The following CXorf58 variants were observed in gnomAD, a reference collection of about 807,000 sequenced individuals.
CXorf58 encodes uncharacterized protein CXorf58.
Under a neutral mutation model 26.0 loss-of-function variants are expected in CXorf58, and 24 were observed. The ratio of observed to expected loss-of-function variants is 0.92; its 90% CI spans 0.67 to 1.30. The LOEUF (loss-of-function observed/expected upper bound fraction) is 1.30, where lower values mean the gene tolerates loss of function less well. CXorf58 is among the 50% of genes most tolerant of loss of function. The pLI is 0.00. For missense variants in CXorf58, 236 were observed against 263.9 expected, an observed-to-expected ratio of 0.89 and a Z score of 0.73; for synonymous variants, 87 against 86.1, an observed-to-expected ratio of 1.01 and a Z score of -0.06.
intron 6 of CXorf58, among the ~76,000 whole-genome samples, chrX:23,930,368 G>T (rs974015523): frequency 9.3e-6 from 1 of 108,092 alleles, no homozygotes; most frequent in African/African-American, 3.4e-5. Flanking sequence ...GTGGCTCATG[G>T]CTGTAATCCC....
intron 3 of CXorf58, among the ~76,000 whole-genome samples, chrX:23,912,169 T>TC (rs1464533476): frequency 1.8e-5 from 2 of 110,888 alleles, no homozygotes; most frequent in East Asian, 5.7e-4. Flanking sequence ...GCCAGGATGA[T>TC]CTCGATCTCC....
At chrX:23,919,108 T>C (rs1216321376) in intron 5 of CXorf58, among the ~76,000 whole-genome samples, 1 of 111,897 alleles carries the variant, frequency 8.9e-6, no homozygotes, top group Non-Finnish European at 1.9e-5. Flanking sequence ...TATTGATATC[T>C]TTCTCTGAAT....
In CXorf58 at chrX:23,908,349, A is replaced by G. The variant is rs1927472164; in HGVS notation, c.-21+20A>G. On this transcript the variant is annotated intron_variant, in intron 1 of 8. Transcript: ENST00000379211. Reference sequence around the variant, plus strand: ...CAAGCGGTAAGCCTCCTCTCTGGAAATCAAATGTTTGTCCCTTAATACTTG... The same window carrying G: ...CAAGCGGTAAGCCTCCTCTCTGGAAGTCAAATGTTTGTCCCTTAATACTTG... The G allele has an allele frequency of 8.9e-6, 1 of 112,987 alleles. No homozygotes were observed. The highest frequency in any genetic ancestry group is 3.2e-5 in the African/African-American group (1 of 31,121). The allele number at this position is 112,987 out of a possible 1,213,427, so 9.3% of individuals were successfully genotyped here. A position where few individuals can be genotyped will look rare whatever the true frequency, so the allele number is the denominator to read the frequency against.
intron 5 of CXorf58, among the ~76,000 whole-genome samples, chrX:23,924,467 G>T (rs745781402): frequency 4.6e-5 from 5 of 109,630 alleles, no homozygotes; most frequent in Non-Finnish European, 9.5e-5. Flanking sequence ...GATTACAGGT[G>T]CTCACCACCC....
At chrX:23,914,433 G>A (rs568054284) in intron 3 of CXorf58, among the ~76,000 whole-genome samples, 27 of 112,008 alleles carry the variant, frequency 2.4e-4, no homozygotes, top group South Asian at 3.7e-4. Context: ...TAGGCATAAC[G>A]GGGTTGGTTG....
chrX:23,939,162 T>A (rs1162597141), intron 8 of CXorf58, 82 bp from the exon 9 acceptor site: 20 of 617,872 alleles, frequency 3.2e-5, no homozygotes, highest in Non-Finnish European at 5.2e-5. Context: ...GAGATGAGGA[T>A]AAATATAGTC....
At chrX:23,913,734 G>A (rs1355989878) in intron 3 of CXorf58, among the ~76,000 whole-genome samples, 1 of 109,505 alleles carries the variant, frequency 9.1e-6, no homozygotes, top group Non-Finnish European at 1.9e-5. Flanking sequence ...GTGAAACCCC[G>A]TCTCTACTAA....
At chrX:23,920,410 A>C (rs1245459336) in intron 5 of CXorf58, among the ~76,000 whole-genome samples, 1 of 112,003 alleles carries the variant, frequency 8.9e-6, no homozygotes, top group Non-Finnish European at 1.9e-5. Context: ...ATGTACACAA[A>C]AACTGTGGCC....
chrX:23,923,941 C>T (rs1282160213), intron 5 of CXorf58, among the ~76,000 whole-genome samples: 3 of 111,460 alleles, frequency 2.7e-5, no homozygotes, highest in Non-Finnish European at 5.7e-5. Context: ...TGGTGCACGC[C>T]TGTAGTCCCA....
At chrX:23,909,965 C>T (rs1927529612) in intron 1 of CXorf58, among the ~76,000 whole-genome samples, 1 of 111,792 alleles carries the variant, frequency 8.9e-6, no homozygotes, top group Non-Finnish European at 1.9e-5. Flanking sequence ...TGTTGGTAGA[C>T]AGCTGGAGAG....
At chrX:23,930,918 G>A (rs377458556) in intron 6 of CXorf58, among the ~76,000 whole-genome samples, 1 of 110,894 alleles carries the variant, frequency 9.0e-6, no homozygotes, top group Non-Finnish European at 1.9e-5. Context: ...TTAAATTAAA[G>A]TATGTACATT....
chrX:23,923,533 G>C (rs972415507), intron 5 of CXorf58, among the ~76,000 whole-genome samples: 2 of 109,640 alleles, frequency 1.8e-5, no homozygotes, highest in Non-Finnish European at 3.8e-5. Context: ...CAGCTACTCA[G>C]GAGGCTGAGG....
At chrX:23,909,686 G>A (rs1927519378) in intron 1 of CXorf58, among the ~76,000 whole-genome samples, 1 of 111,387 alleles carries the variant, frequency 9.0e-6, no homozygotes, top group Non-Finnish European at 1.9e-5. Context: ...TTTGGGAGCT[G>A]CATCCAAATT....
At chrX:23,929,919 C>T (rs948404260) in intron 6 of CXorf58, among the ~76,000 whole-genome samples, 1 of 111,235 alleles carries the variant, frequency 9.0e-6, no homozygotes, top group Non-Finnish European at 1.9e-5. Flanking sequence ...TAAATCTATC[C>T]GGGCGGAGTG....
Position 23,935,277 on chromosome X carries a change from C to A in CXorf58, c.637C>A (p.Pro213Thr), listed in dbSNP as rs1601971433. 8.3e-7 allele frequency: 1 copy of A among 1,209,230 alleles called. No homozygotes were observed. Among genetic ancestry groups the A allele is most frequent in the Middle Eastern group, 2.3e-4 (1 of 4,349 alleles). ...GCGCAAATTAAATCTTGAAAATATT[C>A]CCAGGACAATGCTAATGTATGACAT... ...SWRKLNLENI[P>T]RTMLMYDIVH... Residue 213 changes from proline (P) to threonine (T), a missense_variant, in exon 7 of 9, where the codon CCC becomes ACC. Coordinates refer to ENST00000379211, the MANE Select transcript of CXorf58 (RefSeq NM_152761.3).
intron 6 of CXorf58, among the ~76,000 whole-genome samples, chrX:23,930,211 A>AAG (rs1250017524): frequency 5.4e-4 from 58 of 107,145 alleles, no homozygotes; most frequent in African/African-American, 1.6e-3. Flanking sequence ...AAAAAAAAAA[A>AAG]AAAAAAGAAA....
chrX:23,911,369 A>C (rs1241659433), intron 2 of CXorf58, among the ~76,000 whole-genome samples: 1 of 111,321 alleles, frequency 9.0e-6, no homozygotes, highest in Non-Finnish European at 1.9e-5. Context: ...TCCCCATTCC[A>C]TTTTCATAGC....
chrX:23,912,823 C>T (rs1927619696), intron 3 of CXorf58, among the ~76,000 whole-genome samples: 1 of 112,162 alleles, frequency 8.9e-6, no homozygotes, highest in Admixed American at 9.5e-5. Flanking sequence ...ACAATACATA[C>T]ACAATTTGAT....
chrX:23,937,830 AG>A (rs759190139), intron 7 of CXorf58, among the ~76,000 whole-genome samples: 1 of 111,175 alleles, frequency 9.0e-6, no homozygotes, highest in Non-Finnish European at 1.9e-5. Flanking sequence ...TTATGGACAT[AG>A]CATCTGATCC....
Sources: allele counts gnomAD v4.1 joint callset (sites outside exome capture counted in the v4.1 genomes callset), GRCh38; gene constraint gnomAD v4.1.1; transcripts MANE v1.5; gene names NCBI Gene and HGNC (gene_info 2026-07-23, HGNC 2026-07-21).